PTK2: variants seen among roughly 807,000 people sequenced by gnomAD.
PTK2 encodes the protein focal adhesion kinase 1.
A neutral mutation model predicts 150.1 loss-of-function variants in PTK2; 45 were observed. The ratio of observed to expected loss-of-function variants is 0.30; its 90% CI spans 0.24 to 0.38. The LOEUF (loss-of-function observed/expected upper bound fraction) is 0.38. Among genes scored for constraint, PTK2 ranks in the 10% least tolerant of loss-of-function variants. The pLI, the probability that PTK2 is intolerant of heterozygous loss-of-function variation, is 1.00. For missense variants in PTK2, 919 were observed against 1,307.3 expected (o/e 0.70, Z 4.58); for synonymous variants, 432 against 449.2 (o/e 0.96, Z 0.48).
At chr8:140,983,380 C>CAAA (rs34040387) in intron 1 of PTK2, among the ~76,000 whole-genome samples, 1,464 of 77,238 alleles carry the variant, frequency 0.019, 34 homozygotes, top group African/African-American at 0.047. Flanking sequence ...GACTCCATCT[C>CAAA]AAAAAAAAAA....
intron 1 of PTK2, among the ~76,000 whole-genome samples, chr8:140,936,994 A>T (rs2100173868): frequency 6.6e-6 from 1 of 152,158 alleles, no homozygotes; most frequent in South Asian, 2.1e-4. Flanking sequence ...ATAGCTAATA[A>T]AGTAGTTTAC....
chr8:140,815,269 G>A (rs547066390), intron 10 of PTK2, among the ~76,000 whole-genome samples: 1 of 151,144 alleles, frequency 6.6e-6, no homozygotes, highest in South Asian at 2.1e-4. Flanking sequence ...GAACATGGAT[G>A]GAGCTGGAGG....
rs912663956 is a variant in PTK2 at position 140,805,202 on chromosome 8, A to C, written c.868-1552T>G. The stretch of plus-strand genomic sequence containing the variant: ...TGGATGTCTGCAAGAGATTACTAAC[A>C]ACATAGTTAAAAGGGTACTCCCTCA... On this transcript the variant is annotated intron_variant, in intron 10 of 31. Transcript: ENST00000522684. Among the ~76,000 whole-genome samples the C allele has an allele frequency of 3.3e-5, 5 of 152,172 alleles. No homozygotes were observed. In the East Asian group the frequency reaches 9.6e-4, roughly 29 times the overall value.
At chr8:140,770,633 TA>T in intron 14 of PTK2, 82 bp downstream of exon 15, 1 of 606,882 alleles carries the variant, frequency 1.6e-6, no homozygotes, top group South Asian at 2.3e-5. Context: ...CTGTTCAGGA[TA>T]ATCTATAAGC....
At chr8:140,887,684 T>C (rs999904411) in intron 3 of PTK2, among the ~76,000 whole-genome samples, 5 of 152,212 alleles carry the variant, frequency 3.3e-5, no homozygotes, top group Admixed American at 3.3e-4. Flanking sequence ...TTAAAATTTC[T>C]AGTAGTCACA....
At chr8:140,774,800 C>T (rs1019509492) in intron 14 of PTK2, among the ~76,000 whole-genome samples, 5 of 152,180 alleles carry the variant, frequency 3.3e-5, no homozygotes, top group Non-Finnish European at 7.3e-5. Context: ...AATTATAATG[C>T]ATTAGCATGC....
rs547872398 is a variant in PTK2, at chr8:140,741,947, C to G, written c.1735+1283G>C. Reference sequence around the variant, plus strand: ...TCAGCCCAGGAGTTTGATCAAAGACCAGCCTAGGCAACACGGCAAAACTCC... The same window carrying G: ...TCAGCCCAGGAGTTTGATCAAAGACGAGCCTAGGCAACACGGCAAAACTCC... On this transcript the variant is annotated intron_variant, in intron 20 of 31. Coordinates refer to ENST00000522684, the Ensembl canonical transcript of PTK2. 2.6e-5 allele frequency among the ~76,000 whole-genome samples: 4 copies of G among 152,214 alleles called. No individual in the cohort carries two copies. In the South Asian group the frequency reaches 8.3e-4, roughly 32 times the overall value.
chr8:140,909,723 A>C (rs2100162350), intron 2 of PTK2: 2 of 152,230 alleles, frequency 1.3e-5, no homozygotes. Context: ...AGAAGGATGA[A>C]CTGAATTTTC....
At chr8:140,781,990 T>C (rs918045487) in intron 14 of PTK2, among the ~76,000 whole-genome samples, 3 of 152,044 alleles carry the variant, frequency 2.0e-5, no homozygotes, top group Non-Finnish European at 4.4e-5. Flanking sequence ...TCCTTATTCA[T>C]GCACAACACG....
At chr8:140,968,271 G>A (rs886452112) in intron 1 of PTK2, among the ~76,000 whole-genome samples, 1 of 152,188 alleles carries the variant, frequency 6.6e-6, no homozygotes, top group South Asian at 2.1e-4. Flanking sequence ...CTGTTTTCCA[G>A]TTTTTAGATC....
chr8:140,909,483 T>C (rs1005229763), intron 2 of PTK2: 3 of 152,142 alleles, frequency 2.0e-5, no homozygotes, highest in Non-Finnish European at 4.4e-5. Flanking sequence ...TTTACAGAAC[T>C]AGCACATATC....
intron 7 of PTK2, among the ~76,000 whole-genome samples, chr8:140,835,440 A>G (rs1297783003): frequency 6.6e-6 from 1 of 152,088 alleles, no homozygotes; most frequent in African/African-American, 2.4e-5. Context: ...AGTAACTCTT[A>G]CTCTTTCTCC....
chr8:140,734,818 G>A (rs45613837), intron 22 of PTK2: 237,723 of 501,968 alleles, frequency 0.47, 58,966 homozygotes, highest in Admixed American at 0.64. Context: ...GGTGGCAAAG[G>A]TCAGGAAAGG....
rs1217391596 is a variant in PTK2 at position 140,669,481 on chromosome 8, T to C, written c.2710-1057A>G. ...TAATCTGGAACAGATTAATTCTTGG[T>C]TGTTCCAAAAGTCTGGGTATGAGAT... On this transcript the variant is annotated intron_variant, in intron 29 of 31. Coordinates refer to ENST00000522684, the Ensembl canonical transcript of PTK2. 46 of 489,382 alleles carry C rather than the reference T, an allele frequency of 9.4e-5. 1 individual carries two copies. The highest frequency in any genetic ancestry group is 1.1e-3 in the Middle Eastern group (2 of 1,902). The allele number at this position is 489,382 out of a possible 1,614,324, so 30.3% of individuals were successfully genotyped here. A position where few individuals can be genotyped will look rare whatever the true frequency, so the allele number is the denominator to read the frequency against.
At chr8:140,697,491 AGTGCAGTGGCAC>A (rs2100027463) in intron 26 of PTK2, among the ~76,000 whole-genome samples, 1 of 151,138 alleles carries the variant, frequency 6.6e-6, no homozygotes, top group Non-Finnish European at 1.5e-5. Context: ...CCCAGGCTGG[AGTGCAGTGGCAC>A]GATCTTGGCT....
intron 3 of PTK2, among the ~76,000 whole-genome samples, chr8:140,888,564 T>G (rs572048157): frequency 2.0e-5 from 3 of 152,244 alleles, no homozygotes; most frequent in African/African-American, 7.2e-5. Flanking sequence ...TGATAACTTA[T>G]ACATTTGTAT....
exon 12 of PTK2, chr8:140,800,561 C>T (rs373258896): frequency 3.1e-6 from 5 of 1,613,284 alleles, no homozygotes; most frequent in Non-Finnish European, 4.2e-6. Context: ...AGGGATGGTG[C>T]CGTCACTGTC....
chr8:140,926,387 C>T (rs1049040654), intron 1 of PTK2, among the ~76,000 whole-genome samples: 1 of 152,116 alleles, frequency 6.6e-6, no homozygotes, highest in Non-Finnish European at 1.5e-5. Context: ...GTATCACCTA[C>T]CTCCAGATGC....
intron 7 of PTK2, among the ~76,000 whole-genome samples, chr8:140,840,630 T>C (rs900058279): frequency 6.6e-6 from 1 of 152,114 alleles, no homozygotes; most frequent in Non-Finnish European, 1.5e-5. Flanking sequence ...GAGATGTTTA[T>C]AAATTTCAAC....
Sources: gnomAD v4.1 joint callset for allele counts (sites outside exome capture counted in the v4.1 genomes callset) on GRCh38, gnomAD v4.1.1 for gene constraint, MANE v1.5 for transcripts, NCBI Gene and HGNC (gene_info 2026-07-23, HGNC 2026-07-21) for gene names.